The following NOS1AP variants were observed in gnomAD, a reference collection of about 807,000 sequenced individuals.
The protein encoded by NOS1AP is nitric oxide synthase 1 adaptor protein.
NOS1AP carries 21 observed loss-of-function variants against 56.2 expected under a neutral mutation model. That is an observed-to-expected ratio of 0.37 (90% CI 0.26 to 0.54). NOS1AP has a LOEUF of 0.54. Ranked by LOEUF, NOS1AP falls within the 20% of genes least tolerant of loss-of-function variation. The pLI, the probability that NOS1AP is intolerant of heterozygous loss-of-function variation, is 0.84. For missense variants in NOS1AP, 522 were observed against 657.8 expected, an observed-to-expected ratio of 0.79 and a Z score of 2.26; for synonymous variants, 270 against 274.6, an observed-to-expected ratio of 0.98 and a Z score of 0.17.
chr1:162,082,120 G>C (rs1691909043), intron 1 of NOS1AP, among the ~76,000 whole-genome samples: 2 of 151,786 alleles, frequency 1.3e-5, no homozygotes, highest in African/African-American at 4.8e-5. Context: ...CGCAGTGTGT[G>C]GTGTTCCCCT....
In NOS1AP at chr1:162,317,582, A is replaced by G. The variant is rs1268960661; in HGVS notation, c.345-15435A>G. 2.6e-5 allele frequency among the ~76,000 whole-genome samples: 4 copies of G among 152,206 alleles called. No individual in the cohort carries two copies. In the East Asian group the frequency reaches 7.7e-4, roughly 29 times the overall value. On this transcript the variant is annotated intron_variant, in intron 4 of 9. Coordinates refer to ENST00000361897, the MANE Select transcript of NOS1AP (RefSeq NM_014697.3). ...ATGTAAAAGAGAGACTGCAAGACTC[A>G]TAAACAGATCCCAAGAGAGCATGTA...
chr1:162,314,371 T>G (rs1656160645), intron 4 of NOS1AP, among the ~76,000 whole-genome samples: 2 of 152,160 alleles, frequency 1.3e-5, no homozygotes, highest in African/African-American at 4.8e-5. Context: ...CTTCACAAAA[T>G]TAAATACTGT....
At chr1:162,150,085 C>T (rs1469242364) in intron 1 of NOS1AP, among the ~76,000 whole-genome samples, 2 of 152,036 alleles carry the variant, frequency 1.3e-5, no homozygotes, top group Non-Finnish European at 2.9e-5. Flanking sequence ...ACTCATTTTA[C>T]CTAATTATAT....
intron 2 of NOS1AP, among the ~76,000 whole-genome samples, chr1:162,248,307 G>A (rs1222468073): frequency 1.3e-5 from 2 of 152,124 alleles, no homozygotes; most frequent in African/African-American, 2.4e-5. Context: ...CATGTGAAGT[G>A]CCCAAGGTCT....
chr1:162,292,695 C>G (rs1414112146), intron 3 of NOS1AP, among the ~76,000 whole-genome samples: 1 of 152,150 alleles, frequency 6.6e-6, no homozygotes, highest in Non-Finnish European at 1.5e-5. Context: ...ATTAATTAAG[C>G]CAGAGTCTTT....
At chr1:162,285,706 C>T (rs1655068463) in intron 2 of NOS1AP, among the ~76,000 whole-genome samples, 1 of 152,148 alleles carries the variant, frequency 6.6e-6, no homozygotes, top group Non-Finnish European at 1.5e-5. Context: ...GCCTGGGGTT[C>T]CTGGGCTGAA....
chr1:162,091,430 C>T (rs1692128399), intron 1 of NOS1AP, among the ~76,000 whole-genome samples: 1 of 152,168 alleles, frequency 6.6e-6, no homozygotes, highest in East Asian at 1.9e-4. Flanking sequence ...GATAACTTGT[C>T]ACCAAATTTT....
At chr1:162,084,925 A>G (rs1186678036) in intron 1 of NOS1AP, among the ~76,000 whole-genome samples, 2 of 152,138 alleles carry the variant, frequency 1.3e-5, no homozygotes, top group Non-Finnish European at 1.5e-5. Context: ...TCAGACTCCC[A>G]AAGTGCTAGA....
At chr1:162,099,639 T>TTA (rs1558097936) in intron 1 of NOS1AP, among the ~76,000 whole-genome samples, 106 of 151,866 alleles carry the variant, frequency 7.0e-4, no homozygotes, top group Non-Finnish European at 1.3e-3. Context: ...TTTTTTAAAT[T>TTA]TTATTATCAT....
chr1:162,136,835 GC>G (rs1400764692), intron 1 of NOS1AP, among the ~76,000 whole-genome samples: 4 of 152,128 alleles, frequency 2.6e-5, no homozygotes, highest in Non-Finnish European at 5.9e-5. Context: ...GTACCTCCTA[GC>G]TTTTCTGGGG....
chr1:162,170,366 G>A (rs1367890216), intron 2 of NOS1AP, among the ~76,000 whole-genome samples: 1 of 152,186 alleles, frequency 6.6e-6, no homozygotes, highest in Admixed American at 6.5e-5. Context: ...TGAGATCTAG[G>A]CTGAGTAACT....
chr1:162,319,791 G>C (rs1656354048), intron 4 of NOS1AP, among the ~76,000 whole-genome samples: 1 of 152,066 alleles, frequency 6.6e-6, no homozygotes, highest in African/African-American at 2.4e-5. Context: ...CTCTGGACTT[G>C]GGGTGCTGAG....
intron 8 of NOS1AP, among the ~76,000 whole-genome samples, chr1:162,358,134 T>C (rs1306293208): frequency 1.3e-5 from 2 of 152,194 alleles, no homozygotes; most frequent in Non-Finnish European, 2.9e-5. Flanking sequence ...CATTCTAGAA[T>C]GGCGGGGAGC....
At chr1:162,182,775 G>A (rs892486783) in intron 2 of NOS1AP, among the ~76,000 whole-genome samples, 4 of 152,116 alleles carry the variant, frequency 2.6e-5, no homozygotes, top group Non-Finnish European at 4.4e-5. Context: ...TTATGAAATT[G>A]TAGCCATTCA....
At chr1:162,278,608 C>T (rs557622146) in intron 2 of NOS1AP, among the ~76,000 whole-genome samples, 1 of 151,570 alleles carries the variant, frequency 6.6e-6, no homozygotes, top group South Asian at 2.1e-4. Flanking sequence ...AGGCAGAAAA[C>T]CGTAAATCCT....
At chr1:162,200,228 G>A (rs145706071) in intron 2 of NOS1AP, among the ~76,000 whole-genome samples, 3 of 152,318 alleles carry the variant, frequency 2.0e-5, no homozygotes, top group African/African-American at 7.2e-5. Context: ...CGTGTGCACA[G>A]GTATTTGCAC....
chr1:162,351,638 G>C (rs1045798558), intron 6 of NOS1AP, among the ~76,000 whole-genome samples: 2 of 152,166 alleles, frequency 1.3e-5, no homozygotes, highest in Non-Finnish European at 2.9e-5. Flanking sequence ...TGCTATTGCT[G>C]ACTTGCCCTT....
At chr1:162,200,274 C>A (rs1651949286) in intron 2 of NOS1AP, among the ~76,000 whole-genome samples, 2 of 152,192 alleles carry the variant, frequency 1.3e-5, no homozygotes, top group African/African-American at 4.8e-5. Flanking sequence ...TGTGGTTTTT[C>A]TATGATTCAT....
intron 3 of NOS1AP, among the ~76,000 whole-genome samples, chr1:162,292,572 G>A (rs540642926): frequency 1.2e-4 from 18 of 152,172 alleles, no homozygotes; most frequent in Non-Finnish European, 1.8e-4. Context: ...GTCAAGGTTC[G>A]AACCTTGTCT....
Sources: gnomAD v4.1 joint callset for allele counts (sites outside exome capture counted in the v4.1 genomes callset) on GRCh38, gnomAD v4.1.1 for gene constraint, MANE v1.5 for transcripts, NCBI Gene and HGNC (gene_info 2026-07-23, HGNC 2026-07-21) for gene names.